Variants in TEX46 observed in about 807,000 individuals in gnomAD.
The protein encoded by TEX46 is testis-expressed protein 46.
In TEX46, 6 loss-of-function variants were observed where a neutral mutation model predicts 5.3. The ratio of observed to expected loss-of-function variants is 1.13; its 90% confidence interval spans 0.62 to 2.23. The LOEUF (loss-of-function observed/expected upper bound fraction) is 2.23. Ranked by LOEUF, TEX46 falls within the 30% of genes most tolerant of loss-of-function variation. The pLI is 0.00. For missense variants in TEX46, 131 were observed against 150.9 expected (o/e 0.87, Z 0.69); for synonymous variants, 41 against 54.6 (o/e 0.75, Z 1.10).
At chr1:23,011,142 G>A (rs1641347666) in intron 2 of TEX46, 41 bp from the exon 3 acceptor site, 1 of 1,474,278 alleles carries the variant, frequency 6.8e-7, no homozygotes, top group Non-Finnish European at 9.2e-7. Context: ...GACTTCTTTT[G>A]TGTTCACGGC....
chr1:23,011,533 C>T (rs1365265325), intron 2 of TEX46, among the ~76,000 whole-genome samples: 2 of 152,056 alleles, frequency 1.3e-5, no homozygotes, highest in Non-Finnish European at 2.9e-5. Context: ...GCTGGGATTA[C>T]AGGCACGTGC....
chr1:23,014,201 T>G, intron 1 of TEX46, 156 bp from the exon 2 acceptor site: 2 of 1,135,524 alleles, frequency 1.8e-6, no homozygotes, highest in South Asian at 1.8e-5. Context: ...ATAACAATAA[T>G]AATAACTCCT....
rs1361686631 is a variant in TEX46 at position 23,014,021 on chromosome 1, G to A, written c.27C>T (p.Ser9=). Residue 9 remains serine (S), a synonymous_variant, in exon 2 of 3, where the codon TCC becomes TCT. Transcript: ENST00000566855. MSLHGILA[S]AGTIGAVAAW... ...CTGCCACTGCTCCTATGGTGCCTGC[G>A]GAGGCAAGTATCCCATGGAGACTCC... 1.2e-5 allele frequency: 18 copies of A among 1,535,852 alleles called. No homozygotes were observed. In the East Asian group the frequency reaches 2.0e-4, roughly 17 times the overall value.
intron 1 of TEX46, among the ~76,000 whole-genome samples, chr1:23,014,698 C>T (rs1326072913): frequency 2.6e-5 from 4 of 151,750 alleles, no homozygotes; most frequent in Non-Finnish European, 5.9e-5. Context: ...AGACTACAGG[C>T]ATGTGCCACT....
chr1:23,014,907 A>ATC (rs1299634908), intron 1 of TEX46, among the ~76,000 whole-genome samples: 1 of 151,872 alleles, frequency 6.6e-6, no homozygotes, highest in Non-Finnish European at 1.5e-5. Flanking sequence ...CACTGGTACC[A>ATC]TCTTGGCTCC....
chr1:23,014,388 G>A (rs1292051470), intron 1 of TEX46, among the ~76,000 whole-genome samples: 1 of 151,994 alleles, frequency 6.6e-6, no homozygotes, highest in Non-Finnish European at 1.5e-5. Flanking sequence ...CCATCATAGG[G>A]GCAAAGAAAA....
chr1:23,012,241 G>A (rs1641361009), intron 2 of TEX46, among the ~76,000 whole-genome samples: 1 of 151,950 alleles, frequency 6.6e-6, no homozygotes. Context: ...TACTTGGGAG[G>A]CTGAGGTGGA....
In TEX46 at chr1:23,010,937, G is replaced by A; in HGVS notation, c.330C>T (p.Pro110=). ...HRMRRHESIC[P]TLSDCTSSSP... The stretch of plus-strand genomic sequence containing the variant: ...AACTCGAAGTACAGTCAGACAGGGT[G>A]GGGCAAATTGACTCATGCCTCCTCA... The change falls in exon 3 of 3, where the codon CCC becomes CCT. Residue 110 remains proline, a synonymous_variant. Transcript: ENST00000566855. The A allele has an allele frequency of 6.5e-7, 1 of 1,534,336 alleles. No homozygotes were observed.
Position 23,011,188 on chromosome 1 carries a change from G to T in TEX46, c.166-87C>A, listed in dbSNP as rs758318805. 2.3e-5 allele frequency: 24 copies of T among 1,023,282 alleles called. No homozygotes were observed. In the Admixed American group the frequency reaches 3.0e-4, roughly 13 times the overall value. The allele number at this position is 1,023,282 out of a possible 1,614,324, so 63.4% of individuals were successfully genotyped here. On this transcript the variant is annotated intron_variant, in intron 2 of 2. Transcript: ENST00000566855. ...TTGGAGTCGTTTTCAGAAGTCTTTGGTTTCTCTTCCTCCTTTTAAGCTCCC... is the reference window on the plus strand; with the variant it reads ...TTGGAGTCGTTTTCAGAAGTCTTTGTTTTCTCTTCCTCCTTTTAAGCTCCC...
chr1:23,010,929 G>C lies in TEX46; in HGVS notation c.338C>G (p.Ser113Cys). The C allele has an allele frequency of 6.5e-7, 1 of 1,532,838 alleles. No individual in the cohort carries two copies. Among genetic ancestry groups the C allele is most frequent in the Non-Finnish European group, 8.7e-7 (1 of 1,144,028 alleles). The allele number at this position is 1,532,838 out of a possible 1,614,324, so 95.0% of individuals were successfully genotyped here. ...GCTGGGGGAACTCGAAGTACAGTCA[G>C]ACAGGGTGGGGCAAATTGACTCATG... The part of the protein sequence containing the change: ...RRHESICPTL[S>C]DCTSSSPS The change falls in exon 3 of 3, where the codon TCT (serine) becomes TGT (cysteine). Residue 113 changes from serine to cysteine, a missense_variant. Transcript: ENST00000566855.
chr1:23,014,716 G>A (rs1180530002), intron 1 of TEX46, among the ~76,000 whole-genome samples: 3 of 151,116 alleles, frequency 2.0e-5, no homozygotes, highest in Admixed American at 2.0e-4. Flanking sequence ...ACTATGCCCA[G>A]CTAATTAAAA....
chr1:23,013,406 C>G (rs1296451794), intron 2 of TEX46, among the ~76,000 whole-genome samples: 1 of 151,388 alleles, frequency 6.6e-6, no homozygotes, highest in East Asian at 2.0e-4. Flanking sequence ...CTCCTGACTT[C>G]AAGTGATCCA....
At chr1:23,011,540 G>A (rs536602151) in intron 2 of TEX46, among the ~76,000 whole-genome samples, 20 of 152,008 alleles carry the variant, frequency 1.3e-4, no homozygotes, top group African/African-American at 3.6e-4. Flanking sequence ...TTACAGGCAC[G>A]TGCCACCACA....
At chr1:23,014,224 G>T in intron 1 of TEX46, 179 bp from the exon 2 acceptor site, 1 of 1,179,726 alleles carries the variant, frequency 8.5e-7, no homozygotes, top group Non-Finnish European at 1.1e-6. Context: ...TTTGTCTGAA[G>T]CACCCACTAT....
intron 1 of TEX46, 119 bp from the exon 2 acceptor site, chr1:23,014,164 A>AGGGGGGGGGG (rs1641388455): frequency 1.5e-6 from 2 of 1,307,224 alleles, no homozygotes; most frequent in Non-Finnish European, 2.0e-6. Flanking sequence ...AGTCATAGCC[A>AGGGGGGGGGG]GCTCCCTCCC....
chr1:23,014,004 G>A lies in TEX46; in HGVS notation c.44C>T (p.Ala15Val). 2 of 1,536,070 alleles carry A rather than the reference G, an allele frequency of 1.3e-6. No homozygotes were observed. The highest frequency in any genetic ancestry group is 1.7e-6 in the Non-Finnish European group (2 of 1,146,878). Residue 15 changes from alanine to valine, a missense_variant, in exon 2 of 3, where the codon GCA becomes GTA. Coordinates refer to ENST00000566855, the MANE Select transcript of TEX46 (RefSeq NM_001242521.2). ...GILASAGTIG[A>V]VAAWLMSYKP... Reference sequence around the variant, plus strand: ...ATAGCTCATCAGCCAAGCTGCCACTGCTCCTATGGTGCCTGCGGAGGCAAG... The same window carrying A: ...ATAGCTCATCAGCCAAGCTGCCACTACTCCTATGGTGCCTGCGGAGGCAAG...
At chr1:23,011,155 T>C in intron 2 of TEX46, 54 bp from the exon 3 acceptor site, 1 of 1,412,148 alleles carries the variant, frequency 7.1e-7, no homozygotes, top group Non-Finnish European at 9.7e-7. Flanking sequence ...TTCACGGCCT[T>C]GCTGTTCTTG....
In TEX46 at chr1:23,014,019, G is replaced by C; in HGVS notation, c.29C>G (p.Ala10Gly). MSLHGILASAGTIGAVAAWL... is the reference protein window; with the variant it reads MSLHGILASGGTIGAVAAWL... ...AGCTGCCACTGCTCCTATGGTGCCTGCGGAGGCAAGTATCCCATGGAGACT... is the reference window on the plus strand; with the variant it reads ...AGCTGCCACTGCTCCTATGGTGCCTCCGGAGGCAAGTATCCCATGGAGACT... The change falls in exon 2 of 3, where the codon GCA becomes GGA. Residue 10 changes from alanine (A) to glycine (G), a missense_variant. By Grantham distance (60) the Ala-to-Gly change is moderately conservative. Coordinates refer to ENST00000566855, the MANE Select transcript of TEX46 (RefSeq NM_001242521.2). The C allele has an allele frequency of 6.5e-7, 1 of 1,536,050 alleles. No individual in the cohort carries two copies. The highest frequency in any genetic ancestry group is 8.7e-7 in the Non-Finnish European group (1 of 1,146,858).
At chr1:23,012,743 G>A (rs1641371016) in intron 2 of TEX46, among the ~76,000 whole-genome samples, 1 of 152,200 alleles carries the variant, frequency 6.6e-6, no homozygotes, top group Non-Finnish European at 1.5e-5. Context: ...ACAGGTGACA[G>A]GTGAGCCTCC....
Sources: allele counts gnomAD v4.1 joint callset (sites outside exome capture counted in the v4.1 genomes callset), GRCh38; gene constraint gnomAD v4.1.1; transcripts MANE v1.5; gene names NCBI Gene and HGNC (gene_info 2026-07-23, HGNC 2026-07-21).